The following RPS6KA6 variants were observed in gnomAD, a reference collection of about 807,000 sequenced individuals.
RPS6KA6 encodes ribosomal protein S6 kinase A6.
In RPS6KA6, 27 loss-of-function variants were observed where a neutral mutation model predicts 65.4. The observed-to-expected ratio is 0.41, with a 90% CI of 0.30 to 0.57. The LOEUF (loss-of-function observed/expected upper bound fraction) is 0.57, where lower values mean the gene tolerates loss of function less well. Among genes scored for constraint, RPS6KA6 ranks in the 20% least tolerant of loss-of-function variants. The pLI is 0.24. For missense variants in RPS6KA6, 486 were observed against 555.6 expected (o/e 0.87, Z 1.26); for synonymous variants, 190 against 184.2 (o/e 1.03, Z -0.26).
At chrX:84,073,052 C>T (rs976895479) in intron 20 of RPS6KA6, among the ~76,000 whole-genome samples, 6 of 111,455 alleles carry the variant, frequency 5.4e-5, no homozygotes, top group Non-Finnish European at 9.4e-5. Context: ...TATGGAAGCA[C>T]GAAAGACTCC....
intron 6 of RPS6KA6, among the ~76,000 whole-genome samples, chrX:84,139,760 A>AAC (rs2035062661): frequency 1.8e-5 from 2 of 112,486 alleles, no homozygotes; most frequent in African/African-American, 6.5e-5. Context: ...AAAAATCTAA[A>AAC]ACACAGGACA....
chrX:84,091,712 A>G (rs1415517212), intron 20 of RPS6KA6, among the ~76,000 whole-genome samples: 1 of 112,067 alleles, frequency 8.9e-6, no homozygotes, highest in Non-Finnish European at 1.9e-5. Flanking sequence ...AAGGAATATA[A>G]ATCATTCTAT....
In RPS6KA6 at chrX:84,089,306, C is replaced by T. The variant is rs190975161; in HGVS notation, c.1971+6888G>A. Among the ~76,000 whole-genome samples, 509 of 112,044 alleles carry T rather than the reference C, an allele frequency of 4.5e-3. 5 individuals carry two copies. Among genetic ancestry groups the T allele is most frequent in the African/African-American group, 0.016 (499 of 30,882 alleles). ...TCACCCCTCCCCCTGGAACTTGGTCCATCTCAGACCATTTCCAGCCTGTTG... is the reference window on the plus strand; with the variant it reads ...TCACCCCTCCCCCTGGAACTTGGTCTATCTCAGACCATTTCCAGCCTGTTG... On this transcript the variant is annotated intron_variant, in intron 20 of 21. Coordinates refer to ENST00000262752, the MANE Select transcript of RPS6KA6 (RefSeq NM_014496.5).
chrX:84,109,021 C>T (rs1352926276), intron 12 of RPS6KA6, among the ~76,000 whole-genome samples: 2 of 111,421 alleles, frequency 1.8e-5, no homozygotes, highest in African/African-American at 6.5e-5. Flanking sequence ...GCTCGTGACC[C>T]GCTCTTCAGC....
At chrX:84,163,412 G>A (rs966118661) in intron 2 of RPS6KA6, among the ~76,000 whole-genome samples, 8 of 108,965 alleles carry the variant, frequency 7.3e-5, no homozygotes, top group African/African-American at 2.3e-4. Context: ...GGCCGAGGCG[G>A]GTGGATCATG....
intron 20 of RPS6KA6, among the ~76,000 whole-genome samples, chrX:84,088,834 TCC>T (rs1249284476): frequency 8.9e-6 from 1 of 111,971 alleles, no homozygotes; most frequent in Non-Finnish European, 1.9e-5. Context: ...TGGCTGAAAT[TCC>T]CATAGGGAGG....
rs1206748430 is a variant in RPS6KA6 at position 84,063,232 on chromosome X, A to G, written c.*1045T>C. The stretch of plus-strand genomic sequence containing the variant: ...ATTGTCTAAAGTTTACTGTAATACA[A>G]TATACTATATCATGTGTGCTATATG... On this transcript the variant is annotated 3_prime_UTR_variant, in exon 22 of 22. Transcript: ENST00000262752. 1 of 111,693 alleles carries G rather than the reference A, an allele frequency of 9.0e-6. No homozygotes were observed. The highest frequency in any genetic ancestry group is 1.9e-5 in the Non-Finnish European group (1 of 53,077). 9.2% of individuals were successfully genotyped at this position (111,693 alleles called of 1,213,427 possible). A position where few individuals can be genotyped will look rare whatever the true frequency, so the allele number is the denominator to read the frequency against.
At chrX:84,157,827 A>G (rs1308081583) in intron 2 of RPS6KA6, among the ~76,000 whole-genome samples, 1 of 110,921 alleles carries the variant, frequency 9.0e-6, no homozygotes, top group Non-Finnish European at 1.9e-5. Context: ...ACCAAACCTA[A>G]GCAGGTTTTC....
intron 1 of RPS6KA6, among the ~76,000 whole-genome samples, chrX:84,178,386 T>C (rs2035799944): frequency 8.9e-6 from 1 of 111,983 alleles, no homozygotes; most frequent in South Asian, 3.7e-4. Flanking sequence ...GGTTTCCTCA[T>C]CTATAAAAGG....
chrX:84,062,217 G>A lies in RPS6KA6; in HGVS notation c.*2060C>T, dbSNP rs1014179304. The A allele has an allele frequency of 9.0e-6, 1 of 111,321 alleles. No homozygotes were observed. Among genetic ancestry groups the A allele is most frequent in the Non-Finnish European group, 1.9e-5 (1 of 52,936 alleles). The allele number at this position is 111,321 out of a possible 1,213,427, so 9.2% of individuals were successfully genotyped here. ...AGCTAATTTAAAATTAATTAAGACT[G>A]TCTACTTTTTAAAGCCATTGATTAT... On this transcript the variant is annotated 3_prime_UTR_variant, in exon 22 of 22. Coordinates refer to ENST00000262752, the MANE Select transcript of RPS6KA6 (RefSeq NM_014496.5).
chrX:84,120,924 G>A (rs1252795048), intron 8 of RPS6KA6, among the ~76,000 whole-genome samples: 6 of 111,841 alleles, frequency 5.4e-5, no homozygotes, highest in Admixed American at 9.5e-5. Context: ...ATAAAGCTAC[G>A]GTAATCAAGA....
At chrX:84,147,196 C>G in intron 4 of RPS6KA6, 138 bp from the exon 5 acceptor site, 1 of 394,489 alleles carries the variant, frequency 2.5e-6, no homozygotes, top group Non-Finnish European at 4.4e-6. Flanking sequence ...TTTTCATATT[C>G]CTAGATAATG....
chrX:84,102,794 T>C (rs751981992), intron 17 of RPS6KA6, among the ~76,000 whole-genome samples: 5 of 110,440 alleles, frequency 4.5e-5, no homozygotes, highest in African/African-American at 1.6e-4. Flanking sequence ...GCAATCCCTA[T>C]GGTACACAGT....
chrX:84,104,467 G>A, intron 17 of RPS6KA6, 32 bp downstream of exon 17: 1 of 1,024,950 alleles, frequency 9.8e-7, no homozygotes, highest in Non-Finnish European at 1.3e-6. Flanking sequence ...ATAGGTCCCA[G>A]AATAGAAAGA....
chrX:84,064,852 C>A, intron 21 of RPS6KA6, 119 bp downstream of exon 21: 2 of 535,629 alleles, frequency 3.7e-6, no homozygotes, highest in Non-Finnish European at 5.8e-6. Context: ...TTAAAAAAAT[C>A]TATCTTTAAA....
chrX:84,068,246 C>T (rs375059237), intron 20 of RPS6KA6, among the ~76,000 whole-genome samples: 5 of 111,701 alleles, frequency 4.5e-5, no homozygotes, highest in South Asian at 3.8e-4. Context: ...CATGATGACA[C>T]GATCAAATTC....
chrX:84,098,989 C>T (rs1454677674), intron 18 of RPS6KA6, among the ~76,000 whole-genome samples: 1 of 110,929 alleles, frequency 9.0e-6, no homozygotes, highest in African/African-American at 3.3e-5. Context: ...TGATTTTATT[C>T]CCTTATCTCT....
chrX:84,148,596 T>C (rs5968267), intron 3 of RPS6KA6, among the ~76,000 whole-genome samples: 2,714 of 111,209 alleles, frequency 0.024, 38 homozygotes, highest in African/African-American at 0.048. Flanking sequence ...ATGTAAGAGA[T>C]AAATAACATA....
At chrX:84,080,675 T>C (rs1198604289) in intron 20 of RPS6KA6, among the ~76,000 whole-genome samples, 1 of 107,469 alleles carries the variant, frequency 9.3e-6, no homozygotes, top group Non-Finnish European at 1.9e-5. Flanking sequence ...AGAATATACA[T>C]TCTTCTCACC....
Sources: gnomAD v4.1 joint callset for allele counts (sites outside exome capture counted in the v4.1 genomes callset) on GRCh38, gnomAD v4.1.1 for gene constraint, MANE v1.5 for transcripts, NCBI Gene and HGNC (gene_info 2026-07-23, HGNC 2026-07-21) for gene names.